The following CCDC171 variants were observed in gnomAD, a reference collection of about 807,000 sequenced individuals.
CCDC171 encodes coiled-coil domain-containing protein 171.
CCDC171 carries 177 observed loss-of-function variants against 168.2 expected under a neutral mutation model. That is an observed-to-expected ratio of 1.05 (90% CI 0.93 to 1.19). CCDC171 has a LOEUF of 1.19. Ranked by LOEUF, CCDC171 falls within the 50% of genes most tolerant of loss-of-function variation. The pLI is 0.00. For missense variants in CCDC171, 1,991 were observed against 1,539.0 expected (o/e 1.29, Z -4.91); for synonymous variants, 687 against 540.8 (o/e 1.27, Z -3.75).
At chr9:16,066,195 G>A (rs1833988842), downstream of CCDC171, among the ~76,000 whole-genome samples, 2 of 152,098 alleles carry the variant, frequency 1.3e-5, no homozygotes, top group Admixed American at 6.5e-5. Context: ...TTGTTTTGTT[G>A]ACTGTGTCTG....
At chr9:16,038,986 G>C (rs1003555403), upstream of CCDC171, among the ~76,000 whole-genome samples, 1 of 151,678 alleles carries the variant, frequency 6.6e-6, no homozygotes, top group Non-Finnish European at 1.5e-5. Context: ...TATATAATAT[G>C]ATAGTCTCAA....
At chr9:15,568,267 CTTT>C (rs554021809) in intron 2 of CCDC171, among the ~76,000 whole-genome samples, 2 of 126,878 alleles carry the variant, frequency 1.6e-5, no homozygotes, top group Non-Finnish European at 3.3e-5. Flanking sequence ...TCCAATACAT[CTTT>C]TTTTTTTTTT....
chr9:15,698,189 A>C (rs1214397432), intron 11 of CCDC171, among the ~76,000 whole-genome samples: 1 of 151,884 alleles, frequency 6.6e-6, no homozygotes, highest in African/African-American at 2.4e-5. Flanking sequence ...TCTACTCTCT[A>C]CCTCTGTGAG....
intron 3 of CCDC171, among the ~76,000 whole-genome samples, chr9:15,996,332 T>C (rs1357583671): frequency 6.6e-6 from 1 of 152,028 alleles, no homozygotes; most frequent in Non-Finnish European, 1.5e-5. Flanking sequence ...CCTGCCATTT[T>C]ATTACTTTTT....
intron 24 of CCDC171, among the ~76,000 whole-genome samples, chr9:15,909,431 T>G (rs1419786986): frequency 6.6e-6 from 1 of 152,038 alleles, no homozygotes; most frequent in East Asian, 1.9e-4. Flanking sequence ...CACGTGCACA[T>G]AATTCCACTG....
At chr9:15,966,296 C>T (rs982100698) in intron 25 of CCDC171, among the ~76,000 whole-genome samples, 1 of 152,146 alleles carries the variant, frequency 6.6e-6, no homozygotes, top group Non-Finnish European at 1.5e-5. Flanking sequence ...CAACAAAGAG[C>T]AGAATTGGAC....
At chr9:15,617,105 G>A (rs1348741749) in intron 6 of CCDC171, among the ~76,000 whole-genome samples, 3 of 152,098 alleles carry the variant, frequency 2.0e-5, no homozygotes, top group African/African-American at 7.2e-5. Flanking sequence ...TTTTATCAAC[G>A]TTCTTAGCTT....
At chr9:15,744,168 GGAA>G (rs2055090263) in intron 16 of CCDC171, 102 bp from the exon 17 acceptor site, 1 of 874,082 alleles carries the variant, frequency 1.1e-6, no homozygotes, top group Non-Finnish European at 1.7e-6. Context: ...CTTTTAAAGA[GGAA>G]GAAGTGGTTG....
intron 8 of CCDC171, among the ~76,000 whole-genome samples, chr9:16,036,631 G>C (rs553605803): frequency 6.6e-6 from 1 of 152,202 alleles, no homozygotes; most frequent in Non-Finnish European, 1.5e-5. Context: ...GCCACAGAGC[G>C]AGACTCCGTC....
At chr9:15,800,100 A>G (rs1430997958) in intron 21 of CCDC171, among the ~76,000 whole-genome samples, 1 of 152,148 alleles carries the variant, frequency 6.6e-6, no homozygotes, top group Admixed American at 6.5e-5. Context: ...TCTCTTCAAT[A>G]TACCAATTTC....
intron 7 of CCDC171, among the ~76,000 whole-genome samples, chr9:15,650,949 G>A (rs1052957301): frequency 3.3e-5 from 5 of 151,616 alleles, no homozygotes; most frequent in Non-Finnish European, 5.9e-5. Flanking sequence ...CTAACTTTAG[G>A]ACTTATTCCT....
intron 24 of CCDC171, chr9:15,888,949 C>CTTTTTTTTTTTTTTTTTTT (rs371508341): frequency 1.4e-5 from 1 of 73,344 alleles, no homozygotes; most frequent in Non-Finnish European, 2.5e-5. Flanking sequence ...TTTTTCTTTT[C>CTTTTTTTTTTTTTTTTTTT]TTTTTTTTTT....
At chr9:15,687,361 G>A (rs1418904762) in intron 10 of CCDC171, among the ~76,000 whole-genome samples, 2 of 152,022 alleles carry the variant, frequency 1.3e-5, no homozygotes, top group African/African-American at 2.4e-5. Context: ...GAAGGCTGAG[G>A]TGGGAGAAGT....
rs185025678 is a variant in CCDC171 at position 15,933,354 on chromosome 9, A to G, written c.3753+12932A>G. On this transcript the variant is annotated intron_variant, in intron 25 of 25. Transcript: ENST00000380701. ...GATCCTTTATATTTCTGTGGTATCA[A>G]TTGTGATGTCTTCTTTTTAATCTCT... Among the ~76,000 whole-genome samples, 105 of 151,868 alleles carry G rather than the reference A, an allele frequency of 6.9e-4. 1 individual carries two copies. The East Asian group carries it at 0.016, about 23-fold the overall frequency.
At chr9:16,023,464 C>T (rs1177075159) in intron 6 of CCDC171, among the ~76,000 whole-genome samples, 1 of 152,094 alleles carries the variant, frequency 6.6e-6, no homozygotes, top group Non-Finnish European at 1.5e-5. Flanking sequence ...AAATAATGAA[C>T]ATTGCCGCAC....
chr9:15,676,468 C>T (rs1468284629), intron 9 of CCDC171, among the ~76,000 whole-genome samples: 2 of 151,842 alleles, frequency 1.3e-5, no homozygotes, highest in African/African-American at 4.8e-5. Context: ...CACCCATCTT[C>T]TGCGTTGATC....
At chr9:15,747,010 T>G (rs896317757) in intron 18 of CCDC171, among the ~76,000 whole-genome samples, 6 of 152,152 alleles carry the variant, frequency 3.9e-5, no homozygotes, top group Admixed American at 2.6e-4. Flanking sequence ...ATCCATTGGC[T>G]TGAAATCCTT....
At chr9:15,582,983 A>T (rs1432248846) in intron 4 of CCDC171, among the ~76,000 whole-genome samples, 1 of 151,890 alleles carries the variant, frequency 6.6e-6, no homozygotes, top group East Asian at 1.9e-4. Flanking sequence ...CAGCATTCCC[A>T]CTACTGGGTA....
chr9:16,073,839 T>C, the CCDC171 span, among the ~76,000 whole-genome samples: 1 of 152,202 alleles, frequency 6.6e-6, no homozygotes. Flanking sequence ...TGATCCCCTG[T>C]CCTTCTAATT....
Sources: allele counts gnomAD v4.1 joint callset (sites outside exome capture counted in the v4.1 genomes callset), GRCh38; gene constraint gnomAD v4.1.1; transcripts MANE v1.5; gene names NCBI Gene and HGNC (gene_info 2026-07-23, HGNC 2026-07-21).